Variants in TRIM67 observed in about 807,000 individuals in gnomAD.
TRIM67 encodes the protein tripartite motif containing 67.
TRIM67 carries 39 observed loss-of-function variants against 71.0 expected under a neutral mutation model. That is an observed-to-expected ratio of 0.55 (90% CI 0.43 to 0.72). TRIM67 has a LOEUF of 0.72. Among genes scored for constraint, TRIM67 ranks in the 30% least tolerant of loss-of-function variants. TRIM67 has a pLI of 0.00. For missense variants in TRIM67, 973 were observed against 1,079.2 expected (o/e 0.90, Z 1.38); for synonymous variants, 481 against 473.9 (o/e 1.01, Z -0.19).
chr1:231,170,375 G>T (rs1571869325), intron 1 of TRIM67, among the ~76,000 whole-genome samples: 1 of 152,154 alleles, frequency 6.6e-6, no homozygotes, highest in African/African-American at 2.4e-5. Context: ...CCAGAAACTT[G>T]AGTTGCTTTA....
chr1:231,163,134 G>T lies in TRIM67; in HGVS notation c.165G>T (p.Ser55=), dbSNP rs772575532. 8 of 1,543,432 alleles carry T rather than the reference G, an allele frequency of 5.2e-6. No homozygotes were observed. In the South Asian group the frequency reaches 8.3e-5, roughly 16 times the overall value. Residue 55 remains serine (S), a synonymous_variant, in exon 1 of 10, where the codon TCG becomes TCT. Transcript: ENST00000366653. ...LPQPLLLSRG[S]GLQAGAAAAA... ...AGCCGCTCCTGCTTTCCCGGGGATC[G>T]GGGCTGCAGGCGGGCGCCGCCGCCG...
chr1:231,188,396 T>C (rs533102631), intron 1 of TRIM67, among the ~76,000 whole-genome samples: 2 of 152,200 alleles, frequency 1.3e-5, no homozygotes, highest in Admixed American at 6.5e-5. Flanking sequence ...GAAACCATCA[T>C]TGGCAGACAG....
rs1256088887 is a variant in TRIM67 at position 231,162,935 on chromosome 1, C to T, written c.-35C>T. The T allele has an allele frequency of 3.1e-6, 5 of 1,600,398 alleles. No individual in the cohort carries two copies. The South Asian group carries it at 5.6e-5, about 18-fold the overall frequency. ...GTCTCCCGAGCTCCGGCCATTCATC[C>T]CCAGCGCAGAGCAGCGCTGGCAGCC... On this transcript the variant is annotated 5_prime_UTR_variant, in exon 1 of 10. Coordinates refer to ENST00000366653, the MANE Select transcript of TRIM67 (RefSeq NM_001004342.5).
Position 231,216,715 on chromosome 1 carries a change from G to A in TRIM67, c.*1275G>A. The A allele has an allele frequency of 7.1e-6, 7 of 985,530 alleles. No homozygotes were observed. The highest frequency in any genetic ancestry group is 8.4e-6 in the Non-Finnish European group (7 of 829,982). 61.0% of individuals were successfully genotyped at this position (985,530 alleles called of 1,614,324 possible). A position where few individuals can be genotyped will look rare whatever the true frequency, so the allele number is the denominator to read the frequency against. On this transcript the variant is annotated 3_prime_UTR_variant, in exon 10 of 10. Coordinates refer to ENST00000366653, the MANE Select transcript of TRIM67 (RefSeq NM_001004342.5). ...CTGTGAGACTGGGTGTGCCGAGTCT[G>A]ACCTGCCAGGGCAGGACTCTGGAAA...
chr1:231,180,519 C>T (rs1384890061), intron 1 of TRIM67, among the ~76,000 whole-genome samples: 1 of 152,166 alleles, frequency 6.6e-6, no homozygotes, highest in Non-Finnish European at 1.5e-5. Context: ...CCTTCAGATA[C>T]TGTTCTACCC....
chr1:231,166,061 G>A (rs1682454834), intron 1 of TRIM67, among the ~76,000 whole-genome samples: 1 of 152,248 alleles, frequency 6.6e-6, no homozygotes, highest in South Asian at 2.1e-4. Flanking sequence ...GGTGTCAACA[G>A]CAGTTTTATA....
chr1:231,186,280 C>G, intron 1 of TRIM67: 1 of 953,128 alleles, frequency 1.0e-6, no homozygotes, highest in Non-Finnish European at 1.6e-6. Flanking sequence ...GAGCACATCT[C>G]TAGTTGGAAC....
intron 1 of TRIM67, among the ~76,000 whole-genome samples, chr1:231,177,949 T>C (rs1476251771): frequency 1.3e-5 from 2 of 152,198 alleles, no homozygotes; most frequent in Non-Finnish European, 2.9e-5. Flanking sequence ...AAAGTATGAT[T>C]TCAGAGCAGT....
At position 231,169,993 on chromosome 1, in the gene TRIM67, C is replaced by CTTTTTTTTTTTTTTTTTTTTTTTTTT. The variant is rs369558747; in HGVS notation, c.1044+5990_1044+5991insTTTTTTTTTTTTTTTTTTTTTTTTTT. Among the ~76,000 whole-genome samples the CTTTTTTTTTTTTTTTTTTTTTTTTTT allele has an allele frequency of 9.3e-4, 127 of 136,022 alleles. 5 individuals carry two copies. The highest frequency in any genetic ancestry group is 2.7e-3 in the African/African-American group (84 of 30,904). 89.2% of individuals were successfully genotyped at this position (136,022 alleles called of 152,430 possible). A position where few individuals can be genotyped will look rare whatever the true frequency, so the allele number is the denominator to read the frequency against. On this transcript the variant is annotated intron_variant, in intron 1 of 9. Transcript: ENST00000366653. ...CTTTAAAATGTTTTTTTCTTTCTCT[C>CTTTTTTTTTTTTTTTTTTTTTTTTTT]TTTTTTTTTTGAGTTGGAGTTTCAC...
rs1287266291 is a variant in TRIM67 at position 231,163,725 on chromosome 1, G to GCCA, written c.758_759insACC (p.Pro260dup). 1 of 1,443,184 alleles carries GCCA rather than the reference G, an allele frequency of 6.9e-7. No individual in the cohort carries two copies. The highest frequency in any genetic ancestry group is 2.4e-5 in the Admixed American group (1 of 41,370). 89.4% of individuals were successfully genotyped at this position (1,443,184 alleles called of 1,614,324 possible). A position where few individuals can be genotyped will look rare whatever the true frequency, so the allele number is the denominator to read the frequency against. On this transcript the variant is annotated inframe_insertion, in exon 1 of 10. Coordinates refer to ENST00000366653, the MANE Select transcript of TRIM67 (RefSeq NM_001004342.5). ...CCTTCGCCAAGCATCGCCTGGTGCA[G>GCCA]CCGCCGCCGCCGCCGCCGCCGCCCG...
At position 231,218,696 on chromosome 1, in the gene TRIM67, C is replaced by T; in HGVS notation, c.*3256C>T. On this transcript the variant is annotated 3_prime_UTR_variant, in exon 10 of 10. Coordinates refer to ENST00000366653, the MANE Select transcript of TRIM67 (RefSeq NM_001004342.5). ...AAACACTATAAAACTGTATATATTT[C>T]CAGGCTGCATCTTCAGCCTGATATG... The T allele has an allele frequency of 1.0e-6, 1 of 985,430 alleles. No homozygotes were observed. The highest frequency in any genetic ancestry group is 1.2e-6 in the Non-Finnish European group (1 of 829,936). 61.0% of individuals were successfully genotyped at this position (985,430 alleles called of 1,614,324 possible). A position where few individuals can be genotyped will look rare whatever the true frequency, so the allele number is the denominator to read the frequency against.
chr1:231,201,518 G>T lies in TRIM67; in HGVS notation c.1534+1G>T, dbSNP rs759592710. 2.3e-5 allele frequency: 37 copies of T among 1,613,196 alleles called. No individual in the cohort carries two copies. Among genetic ancestry groups the T allele is most frequent in the Non-Finnish European group, 3.0e-5 (35 of 1,179,672 alleles). On this transcript the variant is annotated splice_donor_variant, in intron 5 of 9. Coordinates refer to ENST00000366653, the MANE Select transcript of TRIM67 (RefSeq NM_001004342.5). LOFTEE classifies it high-confidence loss of function. ...GACTTCATTCAGATGAAATGTAGGG[G>T]TGAGCCGCGGTTGGCCCCAGTTCAG...
At chr1:231,188,729 C>G (rs537943916) in intron 1 of TRIM67, among the ~76,000 whole-genome samples, 76 of 152,300 alleles carry the variant, frequency 5.0e-4, no homozygotes, top group African/African-American at 1.8e-3. Context: ...ATGGCACCTC[C>G]TTGCTAGGTT....
At chr1:231,165,903 G>A (rs931215626) in intron 1 of TRIM67, among the ~76,000 whole-genome samples, 9 of 152,168 alleles carry the variant, frequency 5.9e-5, no homozygotes, top group African/African-American at 2.2e-4. Context: ...TTCAGAATTA[G>A]TGAAGAGTGG....
chr1:231,167,477 T>C lies in TRIM67; in HGVS notation c.1044+3464T>C, dbSNP rs948677312. 1.1e-4 allele frequency among the ~76,000 whole-genome samples: 14 copies of C among 125,012 alleles called. 2 individuals carry two copies. Among genetic ancestry groups the C allele is most frequent in the Non-Finnish European group, 4.7e-5 (3 of 63,464 alleles). 82.0% of individuals were successfully genotyped at this position (125,012 alleles called of 152,430 possible). On this transcript the variant is annotated intron_variant, in intron 1 of 9. Transcript: ENST00000366653. ...AGCTGGGACTACAGGCGCCCGCCAC[T>C]ACGCCCGGCTAATTTTTTGTATTTT... is the stretch of plus-strand genomic sequence containing the variant.
rs1683813287 is a variant in TRIM67 at position 231,209,610 on chromosome 1, A to G, written c.2123+360A>G. Among the ~76,000 whole-genome samples, 2 of 152,126 alleles carry G rather than the reference A, an allele frequency of 1.3e-5. No individual in the cohort carries two copies. Among genetic ancestry groups the G allele is most frequent in the South Asian group, 4.1e-4 (2 of 4,830 alleles). On this transcript the variant is annotated intron_variant, in intron 8 of 9. Transcript: ENST00000366653. The surrounding 1 kb of genome is among the most constrained non-coding windows in gnomAD (Gnocchi z 4.1). ...CAAGCTTGGGTTGCTGCAGGGTGTT[A>G]ATGGGCACCACTGGGGCTGGTGTCC...
chr1:231,177,360 G>A lies in TRIM67; in HGVS notation c.1044+13347G>A, dbSNP rs569066252. Among the ~76,000 whole-genome samples the A allele has an allele frequency of 5.3e-5, 8 of 152,310 alleles. No homozygotes were observed. The South Asian group carries it at 1.5e-3, about 28-fold the overall frequency. Reference sequence around the variant, plus strand: ...AATTCTATTGTTGTTACAAGAGACCGGAGCTGACCTGATGCTAAAGAAGCA... The same window carrying A: ...AATTCTATTGTTGTTACAAGAGACCAGAGCTGACCTGATGCTAAAGAAGCA... On this transcript the variant is annotated intron_variant, in intron 1 of 9. Transcript: ENST00000366653.
chr1:231,183,721 G>C (rs1407984908), intron 1 of TRIM67, among the ~76,000 whole-genome samples: 1 of 152,118 alleles, frequency 6.6e-6, no homozygotes, highest in African/African-American at 2.4e-5. Flanking sequence ...GGAGCACGTA[G>C]ATAGCATTGA....
At chr1:231,212,902 A>T (rs959209559) in intron 8 of TRIM67, among the ~76,000 whole-genome samples, 13 of 152,216 alleles carry the variant, frequency 8.5e-5, no homozygotes, top group African/African-American at 3.1e-4. Context: ...GATCAAGAGC[A>T]CAATGGACAT....
Sources: allele counts gnomAD v4.1 joint callset (sites outside exome capture counted in the v4.1 genomes callset), GRCh38; gene constraint gnomAD v4.1.1; non-coding constraint Gnocchi (gnomAD v3.1); transcripts MANE v1.5; gene names NCBI Gene and HGNC (gene_info 2026-07-23, HGNC 2026-07-21).